The following NOVA1 variants were observed in gnomAD, a reference collection of about 807,000 sequenced individuals.
NOVA1 encodes the protein RNA-binding protein Nova-1.
NOVA1 carries 7 observed loss-of-function variants against 38.0 expected under a neutral mutation model. That is an observed-to-expected ratio of 0.18 (90% confidence interval 0.10 to 0.35). The LOEUF (loss-of-function observed/expected upper bound fraction) is 0.35. Ranked by LOEUF, NOVA1 falls within the 10% of genes least tolerant of loss-of-function variation. NOVA1 has a pLI of 1.00. For missense variants in NOVA1, 460 were observed against 616.0 expected (o/e 0.75, Z 2.68); for synonymous variants, 270 against 232.5 (o/e 1.16, Z -1.47).
intron 2 of NOVA1, among the ~76,000 whole-genome samples, chr14:26,508,555 TAC>T (rs34063277): frequency 0.18 from 27,292 of 148,938 alleles, 2,636 homozygotes; most frequent in East Asian, 0.34. Context: ...CACATGTACA[TAC>T]ACACACACAC....
rs141900846 is a variant in NOVA1 at position 26,494,212 on chromosome 14, T to C, written c.281-14069A>G. 8.5e-5 allele frequency among the ~76,000 whole-genome samples: 13 copies of C among 152,316 alleles called. No individual in the cohort carries two copies. The East Asian group carries it at 2.5e-3, about 29-fold the overall frequency. On this transcript the variant is annotated intron_variant, in intron 2 of 4. Transcript: ENST00000539517. ...ATATGCCTCATATCCAAAACCTCTT[T>C]TATGAATGTTTCTTTTAGCTTTGTC...
chr14:26,520,944 T>C (rs1296254351), intron 2 of NOVA1, among the ~76,000 whole-genome samples: 1 of 152,118 alleles, frequency 6.6e-6, no homozygotes, highest in East Asian at 1.9e-4. Context: ...CTTAATCCCC[T>C]GTCATCCAAT....
At chr14:26,531,044 A>G (rs1374331812) in intron 2 of NOVA1, among the ~76,000 whole-genome samples, 1 of 152,174 alleles carries the variant, frequency 6.6e-6, no homozygotes, top group Non-Finnish European at 1.5e-5. Context: ...CACTACTAAT[A>G]GGAAAGTCAT....
intron 2 of NOVA1, among the ~76,000 whole-genome samples, chr14:26,493,802 C>T (rs1031984818): frequency 6.6e-5 from 10 of 152,132 alleles, no homozygotes; most frequent in Admixed American, 6.5e-4. Flanking sequence ...AATCTGCCCC[C>T]TGTGAACAAG....
intron 2 of NOVA1, among the ~76,000 whole-genome samples, chr14:26,555,187 A>G (rs1399888661): frequency 1.3e-5 from 2 of 152,128 alleles, no homozygotes; most frequent in Non-Finnish European, 2.9e-5. Flanking sequence ...GCTCTGACTT[A>G]TAGTTTAATA....
At chr14:26,525,923 T>C (rs1889264471) in intron 2 of NOVA1, among the ~76,000 whole-genome samples, 1 of 152,132 alleles carries the variant, frequency 6.6e-6, no homozygotes, top group South Asian at 2.1e-4. Flanking sequence ...ATTCTTTTAC[T>C]TGAGATTCTA....
chr14:26,502,524 A>G (rs1887312749), intron 2 of NOVA1, among the ~76,000 whole-genome samples: 1 of 151,822 alleles, frequency 6.6e-6, no homozygotes, highest in African/African-American at 2.4e-5. Flanking sequence ...GAAGGCAGAT[A>G]CTTAGGATAC....
intron 2 of NOVA1, among the ~76,000 whole-genome samples, chr14:26,498,226 A>AT (rs1303293493): frequency 0.015 from 2,111 of 142,554 alleles, 28 homozygotes; most frequent in Middle Eastern, 0.045. Flanking sequence ...CGCCCAGTTA[A>AT]TTTTTTTTTT....
chr14:26,539,792 T>C (rs1312997162), intron 2 of NOVA1, among the ~76,000 whole-genome samples: 1 of 152,166 alleles, frequency 6.6e-6, no homozygotes, highest in Non-Finnish European at 1.5e-5. Flanking sequence ...CAGTCTGATA[T>C]GAATGACAGT....
At chr14:26,508,550 G>A (rs1887815360) in intron 2 of NOVA1, among the ~76,000 whole-genome samples, 1 of 64,338 alleles carries the variant, frequency 1.6e-5, no homozygotes, top group Admixed American at 2.3e-4. Context: ...TTTTTCACAT[G>A]TACATACACA....
chr14:26,593,898 ATTTCAT>A (rs1317948990), intron 2 of NOVA1: 2 of 151,864 alleles, frequency 1.3e-5, no homozygotes, highest in Non-Finnish European at 3.0e-5. Context: ...CAAAAAAGCT[ATTTCAT>A]TTTCATCTAT....
Position 26,558,268 on chromosome 14 carries a change from T to A in NOVA1, c.280+37142A>T, listed in dbSNP as rs1594532439. 3.9e-5 allele frequency among the ~76,000 whole-genome samples: 6 copies of A among 152,098 alleles called. No individual in the cohort carries two copies. In the East Asian group the frequency reaches 1.2e-3, roughly 29 times the overall value. On this transcript the variant is annotated intron_variant, in intron 2 of 4. Coordinates refer to ENST00000539517, the MANE Select transcript of NOVA1 (RefSeq NM_002515.3). ...ACTTCAGTTAATAAGAATATCTCCA[T>A]TTTGGCTCATCAATTGTACCAACTG...
rs1421397217 is a variant in NOVA1 at position 26,446,794 on chromosome 14, T to C, written c.*1165A>G. ...AGGTAGATAACACTACCTCTCAAGA[T>C]AAGCTGCCTCTTCTAAATAAGCATG... On this transcript the variant is annotated 3_prime_UTR_variant, in exon 5 of 5. Transcript: ENST00000539517. The C allele has an allele frequency of 6.6e-6, 1 of 152,634 alleles. No individual in the cohort carries two copies. The highest frequency in any genetic ancestry group is 1.5e-5 in the Non-Finnish European group (1 of 68,054). The allele number at this position is 152,634 out of a possible 1,614,324, so 9.5% of individuals were successfully genotyped here.
rs917351204 is a variant in NOVA1 at position 26,566,022 on chromosome 14, G to A, written c.280+29388C>T. 9.9e-5 allele frequency among the ~76,000 whole-genome samples: 15 copies of A among 152,052 alleles called. 1 individual carries two copies. The highest frequency in any genetic ancestry group is 3.3e-4 in the Admixed American group (5 of 15,268). On this transcript the variant is annotated intron_variant, in intron 2 of 4. Transcript: ENST00000539517. ...TATGTTTCATGGCAAACAAAGGGAT[G>A]AAAATATAATTTGGATACTAAAATT...
In NOVA1 at chr14:26,484,585, G is replaced by C. The variant is rs192196613; in HGVS notation, c.281-4442C>G. ...ATTTCCTTATCCCTCAAAATTCCTT[G>C]AATGAGTTTTATAGATACTCTCTTT... On this transcript the variant is annotated intron_variant, in intron 2 of 4. Coordinates refer to ENST00000539517, the MANE Select transcript of NOVA1 (RefSeq NM_002515.3). 8.6e-5 allele frequency among the ~76,000 whole-genome samples: 13 copies of C among 151,522 alleles called. No individual in the cohort carries two copies. The East Asian group carries it at 2.5e-3, about 30-fold the overall frequency.
intron 2 of NOVA1, among the ~76,000 whole-genome samples, chr14:26,505,860 A>G (rs947821576): frequency 1.7e-4 from 26 of 152,306 alleles, no homozygotes; most frequent in African/African-American, 6.3e-4. Context: ...GAAATATTTT[A>G]TTCCATTTTG....
intron 2 of NOVA1, among the ~76,000 whole-genome samples, chr14:26,516,396 T>G (rs1308807276): frequency 6.6e-6 from 1 of 152,154 alleles, no homozygotes; most frequent in African/African-American, 2.4e-5. Flanking sequence ...TTCCCCTTTA[T>G]GGTTAGAGCT....
intron 2 of NOVA1, among the ~76,000 whole-genome samples, chr14:26,517,307 C>T (rs1423958874): frequency 1.3e-5 from 2 of 152,140 alleles, no homozygotes; most frequent in Non-Finnish European, 2.9e-5. Flanking sequence ...TTCCACCTAA[C>T]ACCATGACTT....
At chr14:26,547,446 C>A (rs909012103) in intron 2 of NOVA1, among the ~76,000 whole-genome samples, 2 of 152,014 alleles carry the variant, frequency 1.3e-5, no homozygotes, top group African/African-American at 4.8e-5. Context: ...CCATCTGATT[C>A]TTTTTCAAAT....
Sources: gnomAD v4.1 joint callset for allele counts (sites outside exome capture counted in the v4.1 genomes callset) on GRCh38, gnomAD v4.1.1 for gene constraint, MANE v1.5 for transcripts, NCBI Gene and HGNC (gene_info 2026-07-23, HGNC 2026-07-21) for gene names.